Variants in PRIM2 observed in about 807,000 individuals in gnomAD.
The protein encoded by PRIM2 is DNA primase subunit 2.
In PRIM2, 39 loss-of-function variants were observed where a neutral mutation model predicts 67.3. The ratio of observed to expected loss-of-function variants is 0.58; its 90% CI spans 0.45 to 0.76. The LOEUF is 0.76. PRIM2 is among the 30% of genes least tolerant of loss of function. The pLI, the probability that PRIM2 is intolerant of heterozygous loss-of-function variation, is 0.00. For synonymous variants in PRIM2, 143 were observed against 198.7 expected (o/e 0.72, Z 2.36); for missense variants, 398 against 598.7 (o/e 0.66, Z 3.50).
chr6:57,592,542 C>T (rs1776299281), intron 10 of PRIM2, among the ~76,000 whole-genome samples: 2 of 152,156 alleles, frequency 1.3e-5, no homozygotes, highest in Non-Finnish European at 2.9e-5. Context: ...CGCCTGTAAT[C>T]TCAGCACTTT....
At chr6:57,264,438 G>A in the PRIM2 span, among the ~76,000 whole-genome samples, 1 of 151,834 alleles carries the variant, frequency 6.6e-6, no homozygotes, top group East Asian at 1.9e-4. Context: ...TGTTCCTGGA[G>A]TGCTCGTCAT....
the PRIM2 span, among the ~76,000 whole-genome samples, chr6:57,280,951 T>A: frequency 2.6e-5 from 4 of 152,176 alleles, no homozygotes; most frequent in East Asian, 5.8e-4. Flanking sequence ...TCTTCCCCCA[T>A]CCCTCCTGGC....
intron 12 of PRIM2, among the ~76,000 whole-genome samples, chr6:57,613,174 C>A (rs1776696440): frequency 6.6e-6 from 1 of 151,886 alleles, no homozygotes; most frequent in East Asian, 1.9e-4. Flanking sequence ...AGTAAAAATG[C>A]AGTGGATTAA....
At chr6:57,622,525 T>G (rs1461329762) in intron 12 of PRIM2, among the ~76,000 whole-genome samples, 3 of 152,230 alleles carry the variant, frequency 2.0e-5, no homozygotes, top group Non-Finnish European at 4.4e-5. Flanking sequence ...CTATTCATTT[T>G]TCAAGATTTT....
In PRIM2 at chr6:57,325,971, C is replaced by T. The variant is rs758630326; in HGVS notation, c.385C>T (p.Arg129Ter). 8.1e-6 allele frequency: 13 copies of T among 1,611,114 alleles called. No individual in the cohort carries two copies. The Admixed American group carries it at 1.0e-4, about 12-fold the overall frequency. ...WFIQQEMDLL[R>*]FRFSILPKDK... ...CATTCAACAAGAAATGGATCTCCTT[C>T]GATTTAGATTTAGTATTTTACCCAA... Residue 129 changes from arginine (R) to a stop codon, truncating the protein, a stop_gained, in exon 5 of 14, where the codon CGA becomes TGA. Transcript: ENST00000615550. LOFTEE classifies it high-confidence loss of function.
chr6:57,248,480 A>C, the PRIM2 span, among the ~76,000 whole-genome samples: 1 of 152,208 alleles, frequency 6.6e-6, no homozygotes, highest in East Asian at 1.9e-4. Context: ...AAAAGCAGAG[A>C]TTCATTTTAA....
intron 10 of PRIM2, among the ~76,000 whole-genome samples, chr6:57,569,854 C>T (rs1246599503): frequency 1.3e-5 from 2 of 151,922 alleles, no homozygotes; most frequent in Non-Finnish European, 2.9e-5. Flanking sequence ...TCAGGCTATT[C>T]TGCCTTAGCC....
the PRIM2 span, among the ~76,000 whole-genome samples, chr6:57,283,682 T>C: frequency 6.6e-6 from 1 of 152,206 alleles, no homozygotes; most frequent in Non-Finnish European, 1.5e-5. Flanking sequence ...AGATTAAGTA[T>C]GTGAAAGATT....
intron 7 of PRIM2, among the ~76,000 whole-genome samples, chr6:57,452,769 G>T (rs1437632196): frequency 1.1e-5 from 1 of 87,166 alleles, no homozygotes; most frequent in Admixed American, 1.1e-4. Context: ...CTTTTGCTGT[G>T]CAGAAGCTCT....
At chr6:57,632,104 T>G in intron 12 of PRIM2, 29 bp from the exon 13 acceptor site, 4 of 1,506,028 alleles carry the variant, frequency 2.7e-6, no homozygotes. Context: ...TTTCTAATTT[T>G]TATTTCTCTT....
intron 10 of PRIM2, among the ~76,000 whole-genome samples, chr6:57,561,331 A>G (rs1775624683): frequency 1.3e-5 from 2 of 152,084 alleles, no homozygotes; most frequent in South Asian, 4.2e-4. Context: ...TCCTGGGTGC[A>G]AACGATTCTC....
At chr6:57,522,133 C>A in intron 8 of PRIM2, among the ~76,000 whole-genome samples, 1 of 151,932 alleles carries the variant, frequency 6.6e-6, no homozygotes, top group Non-Finnish European at 1.5e-5. Flanking sequence ...GTATAAATGG[C>A]AAACTATGAC....
intron 10 of PRIM2, among the ~76,000 whole-genome samples, chr6:57,554,594 T>G (rs1251170249): frequency 6.6e-6 from 1 of 152,212 alleles, no homozygotes; most frequent in African/African-American, 2.4e-5. Context: ...CACTAAATTT[T>G]AAGTGTCTAA....
chr6:57,342,277 T>C (rs1344190325), intron 5 of PRIM2, among the ~76,000 whole-genome samples: 1 of 152,194 alleles, frequency 6.6e-6, no homozygotes, highest in Non-Finnish European at 1.5e-5. Flanking sequence ...TGTAAATAAA[T>C]TGGATTTTAA....
At chr6:57,295,397 T>C in the PRIM2 span, among the ~76,000 whole-genome samples, 1 of 152,174 alleles carries the variant, frequency 6.6e-6, no homozygotes, top group Non-Finnish European at 1.5e-5. Context: ...GAGGTTTAAC[T>C]AGTAGCAAAC....
chr6:57,466,175 T>C (rs1337861973), intron 7 of PRIM2, among the ~76,000 whole-genome samples: 2 of 152,244 alleles, frequency 1.3e-5, no homozygotes, highest in Admixed American at 6.5e-5. Context: ...GGCTGCATAC[T>C]ATTCCATGGT....
intron 10 of PRIM2, among the ~76,000 whole-genome samples, chr6:57,583,551 A>G (rs1261217043): frequency 2.0e-5 from 3 of 152,002 alleles, no homozygotes; most frequent in African/African-American, 7.2e-5. Context: ...TATATGTGCC[A>G]CATTTTCTTA....
intron 2 of PRIM2, among the ~76,000 whole-genome samples, chr6:57,319,773 G>A (rs1767587672): frequency 6.6e-6 from 1 of 152,152 alleles, no homozygotes; most frequent in African/African-American, 2.4e-5. Context: ...TGCTGCTGGA[G>A]ATGGGCATGG....
the PRIM2 span, among the ~76,000 whole-genome samples, chr6:57,278,671 T>C: frequency 6.6e-6 from 1 of 152,200 alleles, no homozygotes; most frequent in Admixed American, 6.5e-5. Context: ...GTGTTTTTTT[T>C]TTCTTCTTCA....
Sources: gnomAD v4.1 joint callset for allele counts (sites outside exome capture counted in the v4.1 genomes callset) on GRCh38, gnomAD v4.1.1 for gene constraint, MANE v1.5 for transcripts, NCBI Gene and HGNC (gene_info 2026-07-23, HGNC 2026-07-21) for gene names.